CAMK2D: variants seen among roughly 807,000 people sequenced by gnomAD.
CAMK2D encodes calcium/calmodulin-dependent protein kinase type II subunit delta.
In CAMK2D, 37 loss-of-function variants were observed where a neutral mutation model predicts 84.0. The observed-to-expected ratio is 0.44, with a 90% CI of 0.34 to 0.58. The LOEUF is 0.58. Ranked by LOEUF, CAMK2D falls within the 20% of genes least tolerant of loss-of-function variation. The pLI, the probability that CAMK2D is intolerant of heterozygous loss-of-function variation, is 0.02. For missense variants in CAMK2D, 448 were observed against 652.5 expected (o/e 0.69, Z 3.41); for synonymous variants, 202 against 212.5 (o/e 0.95, Z 0.43).
At chr4:113,684,645 T>C (rs1442749899) in intron 2 of CAMK2D, among the ~76,000 whole-genome samples, 2 of 152,186 alleles carry the variant, frequency 1.3e-5, no homozygotes, top group Non-Finnish European at 2.9e-5. Context: ...ATGCACACTA[T>C]GTCCCATCTT....
chr4:113,755,112 A>C (rs1393334363), intron 2 of CAMK2D: 1 of 982,730 alleles, frequency 1.0e-6, no homozygotes, highest in African/African-American at 1.8e-5. Flanking sequence ...AAATAAAAGA[A>C]AAGTAGCAAG....
chr4:113,549,123 C>T (rs2098605405), intron 5 of CAMK2D, among the ~76,000 whole-genome samples: 1 of 152,162 alleles, frequency 6.6e-6, no homozygotes, highest in Admixed American at 6.5e-5. Flanking sequence ...CACATCTAAA[C>T]TGTTTAAAAT....
chr4:113,547,924 C>A (rs1200939618), intron 5 of CAMK2D, among the ~76,000 whole-genome samples: 1 of 152,166 alleles, frequency 6.6e-6, no homozygotes, highest in African/African-American at 2.4e-5. Context: ...GAATGTGGGT[C>A]CATTTGTTCT....
chr4:113,652,217 A>G (rs1256312866), intron 3 of CAMK2D, among the ~76,000 whole-genome samples: 1 of 152,148 alleles, frequency 6.6e-6, no homozygotes, highest in Non-Finnish European at 1.5e-5. Flanking sequence ...TAACCTCTTT[A>G]GGCTTTAGAT....
chr4:113,640,191 A>T (rs1268451703), intron 3 of CAMK2D, among the ~76,000 whole-genome samples: 1 of 152,142 alleles, frequency 6.6e-6, no homozygotes, highest in Non-Finnish European at 1.5e-5. Context: ...CAGTATGATT[A>T]CCAAAGTACC....
chr4:113,696,207 C>T (rs1029612007), intron 2 of CAMK2D, among the ~76,000 whole-genome samples: 1 of 143,990 alleles, frequency 6.9e-6, no homozygotes, highest in African/African-American at 2.9e-5. Flanking sequence ...CACACACACA[C>T]ACACACACAC....
intron 3 of CAMK2D, among the ~76,000 whole-genome samples, chr4:113,644,812 C>A (rs1561560456): frequency 6.6e-6 from 1 of 152,000 alleles, no homozygotes; most frequent in Non-Finnish European, 1.5e-5. Context: ...GGCCGGGAGA[C>A]ACAAATAAAG....
Position 113,459,359 on chromosome 4 carries a change from T to G in CAMK2D, c.1306+788A>C, listed in dbSNP as rs886907617. Among the ~76,000 whole-genome samples, 3 of 151,758 alleles carry G rather than the reference T, an allele frequency of 2.0e-5. No individual in the cohort carries two copies. In the East Asian group the frequency reaches 5.9e-4, roughly 30 times the overall value. ...TCAGCTTCCCAAGTAGCTGGGACTATAGGTGCTTGTCATCATGACTGGTTA... is the reference window on the plus strand; with the variant it reads ...TCAGCTTCCCAAGTAGCTGGGACTAGAGGTGCTTGTCATCATGACTGGTTA... On this transcript the variant is annotated intron_variant, in intron 18 of 20. Coordinates refer to ENST00000511664, the MANE Select transcript of CAMK2D (RefSeq NM_001321571.2).
chr4:113,665,986 GAT>G, intron 2 of CAMK2D, among the ~76,000 whole-genome samples: 1 of 152,308 alleles, frequency 6.6e-6, no homozygotes, highest in East Asian at 1.9e-4. Context: ...TCCCAGCTAA[GAT>G]ATATTTTAAC....
intron 3 of CAMK2D, among the ~76,000 whole-genome samples, chr4:113,609,660 A>G (rs927716346): frequency 6.6e-6 from 1 of 152,166 alleles, no homozygotes; most frequent in Non-Finnish European, 1.5e-5. Context: ...GGTCACTACA[A>G]CAGACAGTAA....
At chr4:113,687,612 C>G (rs543087439) in intron 2 of CAMK2D, among the ~76,000 whole-genome samples, 1 of 152,318 alleles carries the variant, frequency 6.6e-6, no homozygotes, top group Non-Finnish European at 1.5e-5. Flanking sequence ...TGTCTTGTGA[C>G]TAAACAAGGA....
intron 4 of CAMK2D, among the ~76,000 whole-genome samples, chr4:113,587,173 T>TA (rs1314146607): frequency 6.6e-6 from 1 of 152,146 alleles, no homozygotes; most frequent in Non-Finnish European, 1.5e-5. Context: ...ATTTCATCTG[T>TA]AAAGAAGAAT....
chr4:113,551,178 A>C (rs768727748), intron 5 of CAMK2D, among the ~76,000 whole-genome samples: 1 of 152,210 alleles, frequency 6.6e-6, no homozygotes, highest in Admixed American at 6.5e-5. Context: ...ATAAAAGTAC[A>C]CAGGAAAATT....
chr4:113,468,331 A>G (rs892893603), intron 16 of CAMK2D, among the ~76,000 whole-genome samples: 2 of 152,274 alleles, frequency 1.3e-5, no homozygotes, highest in Admixed American at 6.5e-5. Context: ...TGCTGGCAGG[A>G]CAACAAATGG....
intron 2 of CAMK2D, among the ~76,000 whole-genome samples, chr4:113,727,825 T>C (rs112139237): frequency 2.2e-4 from 34 of 152,134 alleles, no homozygotes; most frequent in African/African-American, 7.0e-4. Context: ...GCAATAAAAA[T>C]CCAAATAATG....
At chr4:113,738,276 TCA>T (rs1409384622) in intron 2 of CAMK2D, among the ~76,000 whole-genome samples, 1 of 151,302 alleles carries the variant, frequency 6.6e-6, no homozygotes, top group Non-Finnish European at 1.5e-5. Context: ...ATCTATAAAA[TCA>T]CTATACTTAG....
In CAMK2D at chr4:113,552,062, C is replaced by A; in HGVS notation, c.310G>T (p.Ala104Ser). The change falls in exon 5 of 21, where the codon GCA becomes TCA. Residue 104 changes from alanine to serine, a missense_variant. By Grantham distance (99) the Ala-to-Ser change is moderately conservative (BLOSUM62 1). This residue lies in a region of CAMK2D where 7 missense variants were observed against 25.5 expected (regional missense o/e 0.27). Transcript: ENST00000511664. ...TCAGCTTCACTGTAGTATTCTCTTG[C>A]CACTATGTCTTCAAACAGTTCACCT... Reference protein sequence around the residue: ...TGGELFEDIVAREYYSEADAS... With the variant: ...TGGELFEDIVSREYYSEADAS... The A allele has an allele frequency of 1.3e-6, 2 of 1,595,452 alleles. No individual in the cohort carries two copies. The highest frequency in any genetic ancestry group is 1.7e-6 in the Non-Finnish European group (2 of 1,165,782).
chr4:113,761,276 A>T lies in CAMK2D; in HGVS notation c.-208T>A. 2.1e-6 allele frequency: 3 copies of T among 1,434,886 alleles called. No homozygotes were observed. The highest frequency in any genetic ancestry group is 2.7e-6 in the Non-Finnish European group (3 of 1,098,002). 88.9% of individuals were successfully genotyped at this position (1,434,886 alleles called of 1,614,324 possible). On this transcript the variant is annotated 5_prime_UTR_variant, in exon 1 of 21. Coordinates refer to ENST00000511664, the MANE Select transcript of CAMK2D (RefSeq NM_001321571.2). ...AAGGGTGGCGTGGGGTCTCCTCCCC[A>T]CAGTCCGCCGATCCTCCTCCTCCTG... is the stretch of plus-strand genomic sequence containing the variant.
chr4:113,630,294 C>A (rs2099084257), intron 3 of CAMK2D, among the ~76,000 whole-genome samples: 1 of 152,150 alleles, frequency 6.6e-6, no homozygotes, highest in African/African-American at 2.4e-5. Flanking sequence ...ATGTTTATGG[C>A]TAGTTTTCTA....
Sources: allele counts gnomAD v4.1 joint callset (sites outside exome capture counted in the v4.1 genomes callset), GRCh38; gene constraint gnomAD v4.1.1; regional missense constraint gnomAD v4.1.1; transcripts MANE v1.5; gene names NCBI Gene and HGNC (gene_info 2026-07-23, HGNC 2026-07-21).